ENTREP2: variants seen among roughly 807,000 people sequenced by gnomAD.
ENTREP2 encodes protein ENTREP2.
the ENTREP2 span, among the ~76,000 whole-genome samples, chr15:29,190,277 C>T: frequency 6.6e-6 from 1 of 152,164 alleles, no homozygotes; most frequent in Non-Finnish European, 1.5e-5. Flanking sequence ...CTCTGCCCTG[C>T]TCCTCGCTCA....
At chr15:29,234,557 G>A in the ENTREP2 span, 1 of 1,404,804 alleles carries the variant, frequency 7.1e-7, no homozygotes, top group Non-Finnish European at 1.0e-6. Flanking sequence ...AACAGATGTG[G>A]CAGCACGTCG....
chr15:29,293,940 G>A, the ENTREP2 span, among the ~76,000 whole-genome samples: 2 of 152,224 alleles, frequency 1.3e-5, no homozygotes, highest in South Asian at 4.1e-4. Context: ...GGGAAACTGA[G>A]GGTGGGGGGA....
the ENTREP2 span, among the ~76,000 whole-genome samples, chr15:29,259,577 G>A: frequency 6.6e-6 from 1 of 152,104 alleles, no homozygotes; most frequent in Non-Finnish European, 1.5e-5. Flanking sequence ...TTTCACACAG[G>A]CCAATCCCTA....
the ENTREP2 span, among the ~76,000 whole-genome samples, chr15:29,358,487 G>A: frequency 6.6e-5 from 10 of 152,186 alleles, no homozygotes; most frequent in East Asian, 1.9e-4. Context: ...CCCACAGGAG[G>A]GTCCTGGAGT....
the ENTREP2 span, among the ~76,000 whole-genome samples, chr15:29,611,444 T>C: frequency 6.6e-6 from 1 of 152,022 alleles, no homozygotes; most frequent in African/African-American, 2.4e-5. Context: ...TTGACACAGA[T>C]TTTCCCATCA....
At chr15:29,501,921 C>T in the ENTREP2 span, among the ~76,000 whole-genome samples, 1 of 151,748 alleles carries the variant, frequency 6.6e-6, no homozygotes, top group Non-Finnish European at 1.5e-5. Context: ...ATTCCATCAA[C>T]AATACCAGTA....
chr15:29,300,872 C>T, the ENTREP2 span, among the ~76,000 whole-genome samples: 1 of 152,242 alleles, frequency 6.6e-6, no homozygotes, highest in Non-Finnish European at 1.5e-5. Context: ...GCTGGGATTA[C>T]AGGCATGAGC....
chr15:29,278,006 A>C, the ENTREP2 span, among the ~76,000 whole-genome samples: 2 of 151,834 alleles, frequency 1.3e-5, no homozygotes, highest in South Asian at 2.1e-4. Context: ...GAAAGACCCC[A>C]TGTATACATA....
At chr15:29,332,591 G>A in the ENTREP2 span, among the ~76,000 whole-genome samples, 1 of 152,178 alleles carries the variant, frequency 6.6e-6, no homozygotes, top group East Asian at 1.9e-4. Context: ...TAGCAGCCAA[G>A]CCACAGACAA....
the ENTREP2 span, among the ~76,000 whole-genome samples, chr15:29,223,509 A>G: frequency 2.0e-5 from 3 of 152,326 alleles, no homozygotes; most frequent in Non-Finnish European, 2.9e-5. Flanking sequence ...GTGGACACAG[A>G]CACACATACA....
At chr15:29,298,763 C>T in the ENTREP2 span, among the ~76,000 whole-genome samples, 1 of 152,182 alleles carries the variant, frequency 6.6e-6, no homozygotes, top group Non-Finnish European at 1.5e-5. Flanking sequence ...ATGACTTCAA[C>T]AGTGAATTAA....
the ENTREP2 span, among the ~76,000 whole-genome samples, chr15:29,355,205 C>T: frequency 6.6e-6 from 1 of 152,150 alleles, no homozygotes; most frequent in East Asian, 1.9e-4. Context: ...ATGGCTAGCC[C>T]TGACAGCCTC....
chr15:29,469,651 T>G, the ENTREP2 span, among the ~76,000 whole-genome samples: 1 of 152,196 alleles, frequency 6.6e-6, no homozygotes, highest in Non-Finnish European at 1.5e-5. Flanking sequence ...TAGAGATGGA[T>G]GGTGGTGATG....
the ENTREP2 span, among the ~76,000 whole-genome samples, chr15:29,599,575 A>G: frequency 1.6e-4 from 24 of 152,362 alleles, no homozygotes; most frequent in South Asian, 4.1e-4. Flanking sequence ...CTTAAGCTCC[A>G]TAAGCCTATT....
At chr15:29,428,089 G>A in the ENTREP2 span, among the ~76,000 whole-genome samples, 1 of 152,200 alleles carries the variant, frequency 6.6e-6, no homozygotes, top group Non-Finnish European at 1.5e-5. Flanking sequence ...AAAGTTAAAT[G>A]ACAGAACAGA....
At chr15:29,303,089 T>C in the ENTREP2 span, among the ~76,000 whole-genome samples, 1 of 152,010 alleles carries the variant, frequency 6.6e-6, no homozygotes, top group Non-Finnish European at 1.5e-5. Flanking sequence ...CCTAAGCTTC[T>C]AAGATACTTC....
chr15:29,271,221 AAAAC>A, the ENTREP2 span, among the ~76,000 whole-genome samples: 1 of 152,212 alleles, frequency 6.6e-6, no homozygotes, highest in Non-Finnish European at 1.5e-5. Context: ...CCTACTATGA[AAAAC>A]AAATATATTA....
chr15:29,634,266 G>C, the ENTREP2 span, among the ~76,000 whole-genome samples: 2 of 152,046 alleles, frequency 1.3e-5, no homozygotes, highest in Non-Finnish European at 2.9e-5. Flanking sequence ...TGCCCTGTGG[G>C]GTAAGGGTAA....
the ENTREP2 span, among the ~76,000 whole-genome samples, chr15:29,546,273 A>G: frequency 6.6e-6 from 1 of 152,204 alleles, no homozygotes; most frequent in Admixed American, 6.5e-5. Flanking sequence ...CACACAGTGG[A>G]AGGAAAGCAA....
Sources: gnomAD v4.1 joint callset for allele counts (sites outside exome capture counted in the v4.1 genomes callset) on GRCh38, gnomAD v4.1.1 for gene constraint, MANE v1.5 for transcripts, NCBI Gene and HGNC (gene_info 2026-07-23, HGNC 2026-07-21) for gene names.